ARHGAP15: variants seen among roughly 807,000 people sequenced by gnomAD.
ARHGAP15 encodes rho GTPase-activating protein 15.
ARHGAP15 carries 51 observed loss-of-function variants against 63.7 expected under a neutral mutation model. That is an observed-to-expected ratio of 0.80 (90% CI 0.64 to 1.01). ARHGAP15 has a LOEUF of 1.01. Ranked by LOEUF, ARHGAP15 falls within the 50% of genes least tolerant of loss-of-function variation. ARHGAP15 has a pLI of 0.00. For missense variants in ARHGAP15, 560 were observed against 564.6 expected (o/e 0.99, Z 0.08); for synonymous variants, 191 against 193.8 (o/e 0.99, Z 0.12).
intron 6 of ARHGAP15, among the ~76,000 whole-genome samples, chr2:143,380,027 A>C (rs1310422735): frequency 6.6e-6 from 1 of 152,032 alleles, no homozygotes; most frequent in Non-Finnish European, 1.5e-5. Context: ...GAAAATGATG[A>C]AGGAAGGGAT....
At chr2:143,636,177 T>C (rs965777174) in intron 12 of ARHGAP15, among the ~76,000 whole-genome samples, 2 of 152,116 alleles carry the variant, frequency 1.3e-5, no homozygotes, top group Non-Finnish European at 2.9e-5. Context: ...ATTAGTACCA[T>C]CTGTCCCGCT....
At chr2:143,312,797 A>G (rs1354534811) in intron 6 of ARHGAP15, among the ~76,000 whole-genome samples, 1 of 152,202 alleles carries the variant, frequency 6.6e-6, no homozygotes, top group Non-Finnish European at 1.5e-5. Context: ...TCAGTTTCCA[A>G]CAAAAGAGTT....
At chr2:143,569,373 C>T (rs945129140) in intron 11 of ARHGAP15, among the ~76,000 whole-genome samples, 2 of 152,030 alleles carry the variant, frequency 1.3e-5, no homozygotes, top group Admixed American at 6.6e-5. Context: ...TAATCAAGAT[C>T]GTGATGTAAT....
intron 1 of ARHGAP15, among the ~76,000 whole-genome samples, chr2:143,143,581 T>G (rs1039595065): frequency 1.3e-5 from 2 of 148,794 alleles, no homozygotes; most frequent in Non-Finnish European, 3.0e-5. Flanking sequence ...TTTTTTTTTT[T>G]GTCCCTCAGA....
At chr2:143,501,325 C>A (rs189902192) in intron 9 of ARHGAP15, among the ~76,000 whole-genome samples, 23 of 152,252 alleles carry the variant, frequency 1.5e-4, no homozygotes, top group Admixed American at 6.5e-4. Context: ...TACAATGTTA[C>A]AATGAGCATG....
intron 11 of ARHGAP15, among the ~76,000 whole-genome samples, chr2:143,559,058 T>C (rs1695921716): frequency 6.6e-6 from 1 of 152,160 alleles, no homozygotes; most frequent in Non-Finnish European, 1.5e-5. Flanking sequence ...AGCCCTAGCC[T>C]CATATTCATT....
At chr2:143,625,695 T>C (rs183183430) in intron 12 of ARHGAP15, among the ~76,000 whole-genome samples, 3 of 152,324 alleles carry the variant, frequency 2.0e-5, no homozygotes, top group Admixed American at 2.0e-4. Context: ...TTTTCTGATA[T>C]TCTGTCTTGG....
chr2:143,293,221 C>A (rs896146169), intron 6 of ARHGAP15, among the ~76,000 whole-genome samples: 2 of 151,988 alleles, frequency 1.3e-5, no homozygotes, highest in Non-Finnish European at 2.9e-5. Flanking sequence ...GAATCTTCAC[C>A]ACCCAATAAG....
rs141388205 is a variant in ARHGAP15 at position 143,336,627 on chromosome 2, G to T, written c.474+86027G>T. On this transcript the variant is annotated intron_variant, in intron 6 of 13. Coordinates refer to ENST00000295095, the MANE Select transcript of ARHGAP15 (RefSeq NM_018460.4). The stretch of plus-strand genomic sequence containing the variant: ...GGCTGTGTTTAATTGGTGATGATGT[G>T]GGTATGAAAGGCCCCAGGGAACTAC... 7.4e-4 allele frequency among the ~76,000 whole-genome samples: 113 copies of T among 152,192 alleles called. 2 individuals are homozygous for T. In the East Asian group the frequency reaches 0.017, roughly 23 times the overall value.
intron 6 of ARHGAP15, among the ~76,000 whole-genome samples, chr2:143,408,098 G>C (rs1487816772): frequency 6.9e-6 from 1 of 145,914 alleles, no homozygotes; most frequent in African/African-American, 2.5e-5. Flanking sequence ...GCCTGTGCCT[G>C]AGCCCCACAC....
At chr2:143,522,572 T>C (rs749690837) in intron 10 of ARHGAP15, among the ~76,000 whole-genome samples, 1 of 152,132 alleles carries the variant, frequency 6.6e-6, no homozygotes, top group Non-Finnish European at 1.5e-5. Flanking sequence ...TTTTGGAGGT[T>C]TGAGGAAACA....
intron 13 of ARHGAP15, among the ~76,000 whole-genome samples, chr2:143,753,914 G>A (rs184417152): frequency 9.6e-4 from 146 of 152,276 alleles, no homozygotes; most frequent in Middle Eastern, 6.8e-3. Flanking sequence ...AAACAGTTGC[G>A]CTTTTTATTT....
At chr2:143,440,699 T>C (rs1689836252) in intron 8 of ARHGAP15, among the ~76,000 whole-genome samples, 1 of 152,136 alleles carries the variant, frequency 6.6e-6, no homozygotes, top group African/African-American at 2.4e-5. Flanking sequence ...TAAGAACGAA[T>C]CAGATATTTT....
chr2:143,596,628 T>C (rs952134572), intron 11 of ARHGAP15, among the ~76,000 whole-genome samples: 2 of 152,276 alleles, frequency 1.3e-5, no homozygotes, highest in Admixed American at 6.5e-5. Flanking sequence ...GTTATTTATA[T>C]ATATTTATTT....
chr2:143,752,542 G>A lies in ARHGAP15; in HGVS notation c.1245-15447G>A, dbSNP rs535872447. ...GACTCCTCATTGCCAGTCAGGCTGC[G>A]AGTGACCCAGCTCCAAATCTCCATC... On this transcript the variant is annotated intron_variant, in intron 13 of 13. Coordinates refer to ENST00000295095, the MANE Select transcript of ARHGAP15 (RefSeq NM_018460.4). Among the ~76,000 whole-genome samples, 5 of 152,278 alleles carry A rather than the reference G, an allele frequency of 3.3e-5. No individual in the cohort carries two copies. In the South Asian group the frequency reaches 8.3e-4, roughly 25 times the overall value.
intron 6 of ARHGAP15, among the ~76,000 whole-genome samples, chr2:143,281,339 G>A (rs1681839505): frequency 6.6e-6 from 1 of 152,122 alleles, no homozygotes; most frequent in Non-Finnish European, 1.5e-5. Context: ...AATATAAAAA[G>A]ACCAAGAGCT....
chr2:143,277,642 C>CATTATTAA (rs1681626915), intron 6 of ARHGAP15, among the ~76,000 whole-genome samples: 1 of 151,946 alleles, frequency 6.6e-6, no homozygotes, highest in Non-Finnish European at 1.5e-5. Context: ...CTACATGGTG[C>CATTATTAA]AATGGGGTCA....
chr2:143,642,370 A>C (rs1232354747), intron 12 of ARHGAP15, among the ~76,000 whole-genome samples: 1 of 152,080 alleles, frequency 6.6e-6, no homozygotes. Context: ...ACCTTTGTGG[A>C]AACAGATTCC....
intron 6 of ARHGAP15, among the ~76,000 whole-genome samples, chr2:143,364,213 A>C (rs1686196046): frequency 2.0e-5 from 3 of 151,674 alleles, no homozygotes; most frequent in African/African-American, 7.3e-5. Context: ...CAAAAAAAAA[A>C]AAAAAACATT....
Sources: allele counts gnomAD v4.1 joint callset (sites outside exome capture counted in the v4.1 genomes callset), GRCh38; gene constraint gnomAD v4.1.1; transcripts MANE v1.5; gene names NCBI Gene and HGNC (gene_info 2026-07-23, HGNC 2026-07-21).